The following SCARB2 variants were observed in gnomAD, a reference collection of about 807,000 sequenced individuals.
SCARB2 encodes the protein lysosome membrane protein 2.
SCARB2 carries 29 observed loss-of-function variants against 58.6 expected under a neutral mutation model. That is an observed-to-expected ratio of 0.49 (90% CI 0.37 to 0.67). The LOEUF is 0.67. Ranked by LOEUF, SCARB2 falls within the 30% of genes least tolerant of loss-of-function variation. The pLI is 0.00. For synonymous variants in SCARB2, 195 were observed against 210.1 expected, an observed-to-expected ratio of 0.93 and a Z score of 0.62; for missense variants, 488 against 578.5, an observed-to-expected ratio of 0.84 and a Z score of 1.60.
intron 2 of SCARB2, chr4:76,184,679 G>A (rs1466534189): frequency 2.1e-5 from 5 of 240,336 alleles, no homozygotes; most frequent in Non-Finnish European, 3.3e-5. Context: ...CTACTTGGGA[G>A]GCTAAGGTGG....
rs183276896 is a variant in SCARB2, at chr4:76,229,534, T to C, written c.-358+4769A>G. ...CAGATTCTTTTGTCCTATAGGGTGA[T>C]CCCTTGATGTGGTATGCTCTCCCTT... On this transcript the variant is annotated intron_variant, in intron 1 of 11. Coordinates refer to the SCARB2 transcript ENST00000638295. Among the ~76,000 whole-genome samples, 21 of 152,312 alleles carry C rather than the reference T, an allele frequency of 1.4e-4. No individual in the cohort carries two copies. In the East Asian group the frequency reaches 3.5e-3, roughly 25 times the overall value.
intron 2 of SCARB2, among the ~76,000 whole-genome samples, chr4:76,182,380 T>C (rs1193127990): frequency 2.0e-5 from 3 of 152,348 alleles, no homozygotes; most frequent in South Asian, 2.1e-4. Flanking sequence ...TGATTATATA[T>C]TGAAATGATG....
At chr4:76,215,396 G>A (rs116593405), upstream of SCARB2, among the ~76,000 whole-genome samples, 753 of 152,236 alleles carry the variant, frequency 4.9e-3, 6 homozygotes, top group African/African-American at 0.016. Flanking sequence ...TCTACTCTGC[G>A]CATTGCTGCA....
At position 76,191,021 on chromosome 4, in the gene SCARB2, A is replaced by G. The variant is rs568457910; in HGVS notation, c.275+4686T>C. On this transcript the variant is annotated intron_variant, in intron 2 of 11. Coordinates refer to ENST00000264896, the MANE Select transcript of SCARB2 (RefSeq NM_005506.4). ...AATATTGCTAACATGTTGGAATGAC[A>G]CTATTTTGGATAGTTTGCAGAGTCT... Among the ~76,000 whole-genome samples the G allele has an allele frequency of 3.0e-4, 45 of 152,336 alleles. No individual in the cohort carries two copies. In the Middle Eastern group the frequency reaches 0.02, roughly 69 times the overall value.
intron 1 of SCARB2, among the ~76,000 whole-genome samples, chr4:76,208,630 C>G (rs1423675557): frequency 1.3e-5 from 2 of 152,188 alleles, no homozygotes; most frequent in Non-Finnish European, 2.9e-5. Flanking sequence ...GCAGAGTGTG[C>G]CTGCTTCCTG....
intron 7 of SCARB2, 145 bp downstream of exon 7, chr4:76,173,999 G>A (rs368146062): frequency 1.6e-5 from 16 of 977,788 alleles, no homozygotes; most frequent in South Asian, 1.6e-4. Context: ...GAGAACTCCT[G>A]GGCTCAAGTG....
At chr4:76,225,078 G>C (rs1560728483) in intron 1 of SCARB2, among the ~76,000 whole-genome samples, 1 of 152,138 alleles carries the variant, frequency 6.6e-6, no homozygotes, top group Admixed American at 6.6e-5. Context: ...TTAGAATAAT[G>C]ATCTCCAACT....
At chr4:76,191,071 T>C (rs1732595611) in intron 2 of SCARB2, among the ~76,000 whole-genome samples, 1 of 151,782 alleles carries the variant, frequency 6.6e-6, no homozygotes, top group Non-Finnish European at 1.5e-5. Flanking sequence ...GGAATTTCAT[T>C]TAAAAATAAC....
chr4:76,161,510 C>T lies in SCARB2; in HGVS notation c.*203G>A. 3.3e-6 allele frequency: 2 copies of T among 611,850 alleles called. No individual in the cohort carries two copies. Among genetic ancestry groups the T allele is most frequent in the South Asian group, 1.9e-5 (1 of 51,678 alleles). 37.9% of individuals were successfully genotyped at this position (611,850 alleles called of 1,614,324 possible). ...ACACATAAAAGAACAATTTCAGAGC[C>T]CACATGATTTTATAAAGCTTAATGG... On this transcript the variant is annotated 3_prime_UTR_variant, in exon 12 of 12. Coordinates refer to ENST00000264896, the MANE Select transcript of SCARB2 (RefSeq NM_005506.4).
intron 4 of SCARB2, among the ~76,000 whole-genome samples, chr4:76,177,694 T>C (rs1426623348): frequency 1.3e-5 from 2 of 152,202 alleles, no homozygotes; most frequent in African/African-American, 2.4e-5. Flanking sequence ...TCCTCAGTTA[T>C]AAAAAGGAAT....
chr4:76,198,885 T>A (rs1253577777), intron 1 of SCARB2, among the ~76,000 whole-genome samples: 2 of 150,506 alleles, frequency 1.3e-5, no homozygotes, highest in African/African-American at 4.9e-5. Flanking sequence ...CTCATGCGAA[T>A]GCACTAAGTA....
At chr4:76,232,716 T>C (rs114831481) in intron 1 of SCARB2, among the ~76,000 whole-genome samples, 152 of 152,208 alleles carry the variant, frequency 1.0e-3, no homozygotes, top group African/African-American at 3.5e-3. Context: ...TTGCCTCTCT[T>C]TTCTGGATGT....
At chr4:76,202,961 C>A (rs1224626089) in intron 1 of SCARB2, among the ~76,000 whole-genome samples, 1 of 152,060 alleles carries the variant, frequency 6.6e-6, no homozygotes, top group Non-Finnish European at 1.5e-5. Context: ...AGTAAATGTT[C>A]TTGAATATAT....
intron 1 of SCARB2, among the ~76,000 whole-genome samples, chr4:76,234,002 T>C (rs1733538037): frequency 6.6e-6 from 1 of 152,246 alleles, no homozygotes; most frequent in Non-Finnish European, 1.5e-5. Flanking sequence ...AAGTGGTTCC[T>C]TCACCAGGGA....
At chr4:76,231,517 A>G (rs893709949) in intron 1 of SCARB2, among the ~76,000 whole-genome samples, 7 of 132,990 alleles carry the variant, frequency 5.3e-5, no homozygotes, top group Admixed American at 1.6e-4. Context: ...GCCAGTCCTC[A>G]TTTTTGTTAA....
In SCARB2 at chr4:76,181,034, T is replaced by A; in HGVS notation, c.343A>T (p.Lys115Ter). ...NGTTISAVSN[K>*]AYVFERDQSV... ...TGGTCTCGTTCAAAAACATAGGCCT[T>A]GTTGCTAACAGCAGATATTGTTGTT... Residue 115 changes from lysine to a stop codon, truncating the protein, a stop_gained, in exon 3 of 12, where the codon AAG becomes TAG. Coordinates refer to ENST00000264896, the MANE Select transcript of SCARB2 (RefSeq NM_005506.4). LOFTEE classifies it high-confidence loss of function. The A allele has an allele frequency of 6.2e-7, 1 of 1,613,728 alleles. No homozygotes were observed.
intron 1 of SCARB2, among the ~76,000 whole-genome samples, chr4:76,208,136 G>A (rs1732965655): frequency 1.3e-5 from 2 of 152,192 alleles, no homozygotes; most frequent in Non-Finnish European, 2.9e-5. Flanking sequence ...GCAAGTCTGG[G>A]ATGGGGTCTG....
At chr4:76,192,916 A>G (rs1297587242) in intron 2 of SCARB2, 2 of 152,258 alleles carry the variant, frequency 1.3e-5, no homozygotes, top group African/African-American at 4.8e-5. Context: ...AACCATTGCT[A>G]AAACGATTTG....
intron 1 of SCARB2, among the ~76,000 whole-genome samples, chr4:76,210,245 T>A (rs1733017560): frequency 6.6e-6 from 1 of 152,204 alleles, no homozygotes; most frequent in Non-Finnish European, 1.5e-5. Context: ...AAAATGAGGA[T>A]CCTTAGGATT....
Sources: gnomAD v4.1 joint callset for allele counts (sites outside exome capture counted in the v4.1 genomes callset) on GRCh38, gnomAD v4.1.1 for gene constraint, MANE v1.5 for transcripts, NCBI Gene and HGNC (gene_info 2026-07-23, HGNC 2026-07-21) for gene names.